The following TCF20 variants were observed in gnomAD, a reference collection of about 807,000 sequenced individuals.
TCF20 encodes the protein transcription factor 20.
A neutral mutation model predicts 148.6 loss-of-function variants in TCF20; 3 were observed. The observed-to-expected ratio is 0.02, with a 90% confidence interval of 0.01 to 0.05. The LOEUF (loss-of-function observed/expected upper bound fraction) is 0.05. Among genes scored for constraint, TCF20 ranks in the 10% least tolerant of loss-of-function variants. TCF20 has a pLI of 1.00. For synonymous variants in TCF20, 1,049 were observed against 909.5 expected, an observed-to-expected ratio of 1.15 and a Z score of -2.76; for missense variants, 2,350 against 2,429.3, an observed-to-expected ratio of 0.97 and a Z score of 0.69.
Position 42,212,466 on chromosome 22 carries a change from G to C in TCF20, c.2840C>G (p.Ser947Cys). The change falls in exon 2 of 6, where the codon TCT (serine) becomes TGT (cysteine). Residue 947 changes from serine (S) to cysteine (C), a missense_variant. Ser to Cys is a moderately radical substitution (Grantham distance 112). Coordinates refer to ENST00000677622, the MANE Select transcript of TCF20 (RefSeq NM_001378418.1). ...GCTAGGAGGATGGCAGTGGTCTCCA[G>C]ATTTCTTGTTGTTGAAACTAGCTTG... ...KSQASFNNKK[S>C]GDHCHPPSIK... The C allele has an allele frequency of 1.9e-6, 3 of 1,614,238 alleles. No individual in the cohort carries two copies. Among genetic ancestry groups the C allele is most frequent in the South Asian group, 2.2e-5 (2 of 91,084 alleles).
chr22:42,265,645 G>T (rs1926245068), intron 1 of TCF20, among the ~76,000 whole-genome samples: 2 of 152,306 alleles, frequency 1.3e-5, no homozygotes, highest in South Asian at 4.1e-4. Flanking sequence ...GCCCCAGACA[G>T]AATGAATGAG....
At chr22:42,331,788 G>C (rs1927980117) in intron 1 of TCF20, among the ~76,000 whole-genome samples, 1 of 152,262 alleles carries the variant, frequency 6.6e-6, no homozygotes, top group Non-Finnish European at 1.5e-5. Flanking sequence ...CAGCCCACTT[G>C]CCTTACATCC....
At chr22:42,318,544 A>G (rs1437463199) in intron 1 of TCF20, among the ~76,000 whole-genome samples, 1 of 152,116 alleles carries the variant, frequency 6.6e-6, no homozygotes, top group Non-Finnish European at 1.5e-5. Context: ...AGAGGCTGGC[A>G]CTCAGGGATG....
At chr22:42,340,447 G>A (rs995154015) in intron 1 of TCF20, among the ~76,000 whole-genome samples, 1 of 152,176 alleles carries the variant, frequency 6.6e-6, no homozygotes, top group Non-Finnish European at 1.5e-5. Flanking sequence ...CACTGCATGA[G>A]ACTAGCCCTG....
At chr22:42,202,430 A>G (rs1938093750) in intron 2 of TCF20, among the ~76,000 whole-genome samples, 1 of 152,240 alleles carries the variant, frequency 6.6e-6, no homozygotes, top group South Asian at 2.1e-4. Context: ...AGTGAAGCAC[A>G]GAGGTTAAGT....
Position 42,299,814 on chromosome 22 carries a change from G to A in TCF20, c.-37+43665C>T, listed in dbSNP as rs971828703. 1.3e-5 allele frequency among the ~76,000 whole-genome samples: 2 copies of A among 151,984 alleles called. No individual in the cohort carries two copies. Among genetic ancestry groups the A allele is most frequent in the African/African-American group, 4.8e-5 (2 of 41,322 alleles). ...GAGGAGGAGGAAGTGGTGGGGATGG[G>A]GGAGGGGAAGAGAGAAGGGGGAGAA... On this transcript the variant is annotated intron_variant, in intron 1 of 1. Coordinates refer to the TCF20 transcript ENST00000515426. The surrounding 1 kb of genome is among the most constrained non-coding windows in gnomAD (Gnocchi z 4.1).
chr22:42,271,022 C>A (rs1275933594), upstream of TCF20, among the ~76,000 whole-genome samples: 1 of 152,034 alleles, frequency 6.6e-6, no homozygotes, highest in South Asian at 2.1e-4. Flanking sequence ...TTCCCTGGAG[C>A]CTCCAACTCC....
chr22:42,293,495 T>A (rs769241884), intron 1 of TCF20, among the ~76,000 whole-genome samples: 1 of 151,902 alleles, frequency 6.6e-6, no homozygotes, highest in Admixed American at 6.6e-5. Context: ...CAAATGAGAG[T>A]CTGAGGACAG....
intron 1 of TCF20, among the ~76,000 whole-genome samples, chr22:42,343,120 T>A (rs1367075939): frequency 6.6e-6 from 1 of 152,196 alleles, no homozygotes; most frequent in East Asian, 1.9e-4. Context: ...GCTGTGAGTG[T>A]CCTGGAGGGG....
chr22:42,286,120 C>T (rs187444117), upstream of TCF20, among the ~76,000 whole-genome samples: 1 of 152,258 alleles, frequency 6.6e-6, no homozygotes, highest in Non-Finnish European at 1.5e-5. Flanking sequence ...AAGCTGACAG[C>T]GTAACAGCAG....
chr22:42,342,330 A>C (rs1928182675), intron 1 of TCF20, among the ~76,000 whole-genome samples: 1 of 152,164 alleles, frequency 6.6e-6, no homozygotes, highest in African/African-American at 2.4e-5. Flanking sequence ...TAGGAAGGCC[A>C]CAGGCCTGGA....
At chr22:42,190,559 TC>T (rs1937279886) in intron 2 of TCF20, among the ~76,000 whole-genome samples, 2 of 152,178 alleles carry the variant, frequency 1.3e-5, no homozygotes, top group African/African-American at 2.4e-5. Flanking sequence ...GAATGGATGG[TC>T]CCTTGAAACT....
chr22:42,303,441 C>A (rs1927374740), intron 1 of TCF20, among the ~76,000 whole-genome samples: 1 of 152,258 alleles, frequency 6.6e-6, no homozygotes. Flanking sequence ...CGGTGCAGGG[C>A]AGGGATCCAG....
At chr22:42,266,102 G>A (rs1023053060) in intron 1 of TCF20, among the ~76,000 whole-genome samples, 2 of 151,866 alleles carry the variant, frequency 1.3e-5, no homozygotes, top group Non-Finnish European at 2.9e-5. Context: ...AAAAAAGAGG[G>A]GCACAGCAGG....
At chr22:42,190,553 G>A (rs550968900) in intron 2 of TCF20, among the ~76,000 whole-genome samples, 5 of 152,292 alleles carry the variant, frequency 3.3e-5, no homozygotes, top group African/African-American at 1.2e-4. Flanking sequence ...CATGTGGAAT[G>A]GATGGTCCCT....
intron 1 of TCF20, among the ~76,000 whole-genome samples, chr22:42,258,936 A>G (rs1007140235): frequency 6.6e-6 from 1 of 152,210 alleles, no homozygotes; most frequent in African/African-American, 2.4e-5. Flanking sequence ...TTTCTCTAAC[A>G]GCCAAACTTT....
intron 1 of TCF20, among the ~76,000 whole-genome samples, chr22:42,308,926 G>A (rs761741209): frequency 2.0e-5 from 3 of 152,154 alleles, no homozygotes; most frequent in Non-Finnish European, 2.9e-5. Flanking sequence ...AGACCCAGGC[G>A]TGGGTGAAAC....
intron 2 of TCF20, among the ~76,000 whole-genome samples, chr22:42,180,612 TAA>T (rs1213952825): frequency 2.0e-5 from 3 of 151,910 alleles, no homozygotes; most frequent in Non-Finnish European, 4.4e-5. Context: ...CTATGAAAAA[TAA>T]AAGTGTTCCC....
At chr22:42,253,592 T>C (rs926037403) in intron 1 of TCF20, among the ~76,000 whole-genome samples, 1 of 152,214 alleles carries the variant, frequency 6.6e-6, no homozygotes, top group African/African-American at 2.4e-5. Context: ...GTTTTATTTA[T>C]ATAAAAAGAT....
Sources: gnomAD v4.1 joint callset for allele counts (sites outside exome capture counted in the v4.1 genomes callset) on GRCh38, gnomAD v4.1.1 for gene constraint, Gnocchi (gnomAD v3.1) non-coding constraint, MANE v1.5 for transcripts, NCBI Gene and HGNC (gene_info 2026-07-23, HGNC 2026-07-21) for gene names.